KCNMB2: variants seen among roughly 807,000 people sequenced by gnomAD.
KCNMB2 encodes the protein potassium calcium-activated channel subfamily M regulatory beta subunit 2, also known as calcium-activated potassium channel subunit beta-2.
In KCNMB2, 9 loss-of-function variants were observed where a neutral mutation model predicts 24.5. The ratio of observed to expected loss-of-function variants is 0.37; its 90% CI spans 0.22 to 0.64. The LOEUF is 0.64. Among genes scored for constraint, KCNMB2 ranks in the 30% least tolerant of loss-of-function variants. KCNMB2 has a pLI of 0.63. For synonymous variants in KCNMB2, 109 were observed against 104.4 expected (o/e 1.04, Z -0.27); for missense variants, 226 against 284.3 (o/e 0.79, Z 1.47).
At chr3:178,772,891 T>C (rs1712430647) in intron 1 of KCNMB2, among the ~76,000 whole-genome samples, 1 of 152,196 alleles carries the variant, frequency 6.6e-6, no homozygotes, top group African/African-American at 2.4e-5. Flanking sequence ...GTTAGGAAAT[T>C]AGTTCAACCT....
At chr3:178,628,204 T>C (rs908101000) in intron 1 of KCNMB2, among the ~76,000 whole-genome samples, 4 of 152,208 alleles carry the variant, frequency 2.6e-5, no homozygotes, top group Non-Finnish European at 5.9e-5. Context: ...AACATCCATC[T>C]TCCTTAACAC....
At chr3:178,790,353 A>C (rs1317329677) in intron 1 of KCNMB2, among the ~76,000 whole-genome samples, 8 of 152,020 alleles carry the variant, frequency 5.3e-5, no homozygotes, top group African/African-American at 1.4e-4. Flanking sequence ...GTGCCCATAG[A>C]GAGAGACTTC....
intron 1 of KCNMB2, among the ~76,000 whole-genome samples, chr3:178,746,502 G>A (rs1307771176): frequency 6.6e-6 from 1 of 152,086 alleles, no homozygotes; most frequent in East Asian, 1.9e-4. Context: ...ATTGTCTCGG[G>A]GATTAACTTT....
chr3:178,754,177 T>TATATATATAC (rs1435109631), intron 1 of KCNMB2, among the ~76,000 whole-genome samples: 37 of 117,210 alleles, frequency 3.2e-4, no homozygotes, highest in African/African-American at 8.5e-4. Context: ...TATATATATA[T>TATATATATAC]ACACACACAC....
At position 178,800,795 on chromosome 3, in the gene KCNMB2, AATAG is replaced by A. The variant is rs562860120; in HGVS notation, c.-67-6544_-67-6541del. On this transcript the variant is annotated intron_variant, in intron 1 of 4. Coordinates refer to ENST00000452583, the MANE Select transcript of KCNMB2 (RefSeq NM_181361.3). ...CAACTTAAGTGTCCATCAACAGATG[AATAG>A]ATAAAGAAAATGTGGTACATATACA... Among the ~76,000 whole-genome samples the A allele has an allele frequency of 2.0e-3, 307 of 152,210 alleles. 2 individuals are homozygous for A. The highest frequency in any genetic ancestry group is 3.0e-3 in the Non-Finnish European group (206 of 68,024).
chr3:178,757,360 ATAT>A (rs1480300747), intron 1 of KCNMB2, among the ~76,000 whole-genome samples: 1 of 78,488 alleles, frequency 1.3e-5, no homozygotes, highest in African/African-American at 5.3e-5. Flanking sequence ...ATATATATAT[ATAT>A]ATATATATAT....
rs376980987 is a variant in KCNMB2, at chr3:178,781,903, T to C, written c.-67-25440T>C. Among the ~76,000 whole-genome samples, 184 of 145,342 alleles carry C rather than the reference T, an allele frequency of 1.3e-3. 2 individuals carry two copies. Among genetic ancestry groups the C allele is most frequent in the South Asian group, 9.7e-3 (42 of 4,308 alleles). On this transcript the variant is annotated intron_variant, in intron 1 of 4. Coordinates refer to ENST00000452583, the MANE Select transcript of KCNMB2 (RefSeq NM_181361.3). The stretch of plus-strand genomic sequence containing the variant: ...GCGCTGCACCCACTAACTCGTCATC[T>C]AGCATTAGGTATATCTCCCAGTGCT...
intron 1 of KCNMB2, among the ~76,000 whole-genome samples, chr3:178,602,961 G>A (rs530398774): frequency 1.3e-5 from 2 of 152,300 alleles, no homozygotes; most frequent in Middle Eastern, 3.4e-3. Flanking sequence ...GGGGTGGGAA[G>A]CACATCTTCC....
intron 1 of KCNMB2, among the ~76,000 whole-genome samples, chr3:178,659,763 T>C (rs1296242422): frequency 1.3e-5 from 2 of 152,228 alleles, no homozygotes; most frequent in African/African-American, 2.4e-5. Context: ...TTATGTTAAT[T>C]AAATGAGATA....
intron 1 of KCNMB2, among the ~76,000 whole-genome samples, chr3:178,585,386 A>G (rs1330423606): frequency 6.6e-6 from 1 of 152,222 alleles, no homozygotes; most frequent in East Asian, 1.9e-4. Context: ...AAGTTATTAT[A>G]TTAACCATCC....
At chr3:178,796,158 A>G (rs990196938) in intron 1 of KCNMB2, among the ~76,000 whole-genome samples, 1 of 152,210 alleles carries the variant, frequency 6.6e-6, no homozygotes, top group African/African-American at 2.4e-5. Context: ...AAAATGTATA[A>G]AAAGAGACAA....
At chr3:178,567,255 A>G (rs968173231) in intron 1 of KCNMB2, among the ~76,000 whole-genome samples, 1 of 152,108 alleles carries the variant, frequency 6.6e-6, no homozygotes, top group African/African-American at 2.4e-5. Flanking sequence ...GTGTGTCTAA[A>G]TAGCTCACTT....
At chr3:178,697,314 T>C (rs775054488) in intron 1 of KCNMB2, among the ~76,000 whole-genome samples, 11 of 152,246 alleles carry the variant, frequency 7.2e-5, no homozygotes, top group Admixed American at 1.3e-4. Flanking sequence ...ATATTTAGGA[T>C]AGTTAGATCT....
intron 1 of KCNMB2, among the ~76,000 whole-genome samples, chr3:178,703,806 CT>C (rs745364301): frequency 1.3e-5 from 2 of 152,162 alleles, no homozygotes; most frequent in Non-Finnish European, 2.9e-5. Flanking sequence ...TAGACCCAAT[CT>C]CTTTCTAAAC....
rs190783943 is a variant in KCNMB2, at chr3:178,766,815, A to T, written c.-67-40528A>T. Among the ~76,000 whole-genome samples, 5 of 152,352 alleles carry T rather than the reference A, an allele frequency of 3.3e-5. No homozygotes were observed. In the East Asian group the frequency reaches 9.6e-4, roughly 29 times the overall value. ...GTTGATATAATTTTAGAGAGTAATT[A>T]AACAACTTACATACCCTGAAACCCA... On this transcript the variant is annotated intron_variant, in intron 1 of 4. Coordinates refer to ENST00000452583, the MANE Select transcript of KCNMB2 (RefSeq NM_181361.3).
chr3:178,580,131 C>T (rs1717144925), intron 1 of KCNMB2, among the ~76,000 whole-genome samples: 1 of 152,182 alleles, frequency 6.6e-6, no homozygotes, highest in African/African-American at 2.4e-5. Flanking sequence ...CAGTAAAATA[C>T]TGGCAAACCG....
intron 1 of KCNMB2, among the ~76,000 whole-genome samples, chr3:178,655,411 A>G (rs927329757): frequency 6.6e-6 from 1 of 152,126 alleles, no homozygotes; most frequent in African/African-American, 2.4e-5. Context: ...TACCTATAAG[A>G]AGTAGATAAA....
At chr3:178,690,759 TC>T (rs933217297) in intron 1 of KCNMB2, among the ~76,000 whole-genome samples, 2 of 152,198 alleles carry the variant, frequency 1.3e-5, no homozygotes, top group African/African-American at 2.4e-5. Context: ...TATGGATAGT[TC>T]ACTCATGGAA....
At chr3:178,581,599 A>T (rs1560117819) in intron 1 of KCNMB2, among the ~76,000 whole-genome samples, 1 of 152,196 alleles carries the variant, frequency 6.6e-6, no homozygotes, top group Non-Finnish European at 1.5e-5. Flanking sequence ...AATGGGAGAA[A>T]ATTTTTACAA....
Sources: gnomAD v4.1 joint callset for allele counts (sites outside exome capture counted in the v4.1 genomes callset) on GRCh38, gnomAD v4.1.1 for gene constraint, MANE v1.5 for transcripts, NCBI Gene and HGNC (gene_info 2026-07-23, HGNC 2026-07-21) for gene names.